The following CAST variants were observed in gnomAD, a reference collection of about 807,000 sequenced individuals.
CAST encodes the protein calpastatin, also known as MIR583 host.
A neutral mutation model predicts 119.6 loss-of-function variants in CAST; 76 were observed. That is an observed-to-expected ratio of 0.64 (90% confidence interval 0.53 to 0.77). The LOEUF (loss-of-function observed/expected upper bound fraction) is 0.77, where lower values mean the gene tolerates loss of function less well. Ranked by LOEUF, CAST falls within the 30% of genes least tolerant of loss-of-function variation. The pLI is 0.00. For missense variants in CAST, 953 were observed against 946.5 expected (o/e 1.01, Z -0.09); for synonymous variants, 319 against 331.6 (o/e 0.96, Z 0.41).
rs549974654 is a variant in CAST at position 96,683,782 on chromosome 5, A to G, written c.138+8181A>G. The stretch of plus-strand genomic sequence containing the variant: ...TCAGATAGGTTTTCATGAGCACTGC[A>G]TGAATTTAAGTTCAAAGCTACAATT... On this transcript the variant is annotated intron_variant, in intron 2 of 31. Coordinates refer to ENST00000675179, the MANE Select transcript of CAST (RefSeq NM_001750.7). Among the ~76,000 whole-genome samples the G allele has an allele frequency of 1.2e-3, 184 of 152,346 alleles. 1 individual carries two copies. Among genetic ancestry groups the G allele is most frequent in the African/African-American group, 4.2e-3 (173 of 41,582 alleles).
chr5:96,416,165 A>C, the CAST span: 1 of 1,355,146 alleles, frequency 7.4e-7, no homozygotes, highest in Non-Finnish European at 1.1e-6. Flanking sequence ...CAGAAGAACA[A>C]ACATTTGTTT....
intron 1 of CAST, among the ~76,000 whole-genome samples, chr5:96,587,270 C>A (rs1008610704): frequency 2.0e-5 from 3 of 152,172 alleles, no homozygotes; most frequent in African/African-American, 7.2e-5. Flanking sequence ...CCCTCTAGCT[C>A]AGAAGGTCTA....
At chr5:96,278,391 T>G in the CAST span, among the ~76,000 whole-genome samples, 1 of 152,168 alleles carries the variant, frequency 6.6e-6, no homozygotes, top group East Asian at 1.9e-4. Context: ...GAGAGAACAC[T>G]CCGGAAACCA....
chr5:96,034,130 TA>T, the CAST span, among the ~76,000 whole-genome samples: 1 of 151,778 alleles, frequency 6.6e-6, no homozygotes, highest in African/African-American at 2.4e-5. Context: ...TTTTAAAAAA[TA>T]AGTGGGCAAA....
the CAST span, among the ~76,000 whole-genome samples, chr5:96,520,105 G>A: frequency 0.21 from 32,209 of 152,036 alleles, 3,972 homozygotes; most frequent in Admixed American, 0.31. Context: ...ATACGTCCAG[G>A]TTTTGTACTT....
upstream of CAST, among the ~76,000 whole-genome samples, chr5:96,659,173 G>A (rs1051406948): frequency 2.6e-5 from 4 of 152,186 alleles, no homozygotes; most frequent in Admixed American, 6.5e-5. Flanking sequence ...CACATATCAC[G>A]TAACAGATAT....
intron 1 of CAST, among the ~76,000 whole-genome samples, chr5:96,622,480 C>T (rs1009789078): frequency 6.6e-6 from 1 of 152,168 alleles, no homozygotes; most frequent in Non-Finnish European, 1.5e-5. Context: ...AGCAAATGGT[C>T]AGCTGTCACT....
At chr5:96,141,882 A>G in the CAST span, among the ~76,000 whole-genome samples, 2 of 152,208 alleles carry the variant, frequency 1.3e-5, no homozygotes, top group Admixed American at 1.3e-4. Flanking sequence ...GAGGGTGTGT[A>G]GCCGAGTATT....
the CAST span, among the ~76,000 whole-genome samples, chr5:96,300,602 A>G: frequency 2.6e-5 from 4 of 151,838 alleles, no homozygotes; most frequent in Non-Finnish European, 4.4e-5. Flanking sequence ...GTCCATAGAC[A>G]TGTTAGAATT....
At chr5:96,730,936 A>G (rs553439657) in intron 9 of CAST, 76 bp downstream of exon 9, 13 of 1,129,174 alleles carry the variant, frequency 1.2e-5, no homozygotes, top group Admixed American at 3.5e-5. Flanking sequence ...GTATGCTCAA[A>G]TAACCTATCA....
chr5:96,023,382 A>G, the CAST span, among the ~76,000 whole-genome samples: 1 of 152,202 alleles, frequency 6.6e-6, no homozygotes, highest in African/African-American at 2.4e-5. Context: ...CACAACCTAA[A>G]TAAAGTTTGA....
At chr5:96,022,393 C>T in the CAST span, among the ~76,000 whole-genome samples, 4,666 of 152,106 alleles carry the variant, frequency 0.031, 120 homozygotes, top group Admixed American at 0.075. Flanking sequence ...GTGCAAATAC[C>T]GTACAACAAA....
chr5:96,114,049 C>G, the CAST span, among the ~76,000 whole-genome samples: 1 of 152,076 alleles, frequency 6.6e-6, no homozygotes, highest in Non-Finnish European at 1.5e-5. Context: ...TTTAAAGTAC[C>G]ATTTTTCAAC....
In CAST at chr5:96,616,763, C is replaced by T. The variant is rs1445393879; in HGVS notation, c.61-58776C>T. On this transcript the variant is annotated intron_variant, in intron 1 of 11. Transcript: ENST00000505143. ...CTCTCTCTATATATATACACACACACACACACACACACACACACACACACA... is the reference window on the plus strand; with the variant it reads ...CTCTCTCTATATATATACACACACATACACACACACACACACACACACACA... Among the ~76,000 whole-genome samples, 799 of 144,242 alleles carry T rather than the reference C, an allele frequency of 5.5e-3. 8 individuals are homozygous for T. The highest frequency in any genetic ancestry group is 0.02 in the African/African-American group (716 of 35,618). The allele number at this position is 144,242 out of a possible 152,430, so 94.6% of individuals were successfully genotyped here. A position where few individuals can be genotyped will look rare whatever the true frequency, so the allele number is the denominator to read the frequency against.
At chr5:96,101,910 T>C in the CAST span, among the ~76,000 whole-genome samples, 1 of 152,154 alleles carries the variant, frequency 6.6e-6, no homozygotes, top group African/African-American at 2.4e-5. Flanking sequence ...TGTGAGCGAA[T>C]GAGTGCAGGA....
At chr5:96,379,921 G>T in the CAST span, among the ~76,000 whole-genome samples, 1 of 152,142 alleles carries the variant, frequency 6.6e-6, no homozygotes, top group African/African-American at 2.4e-5. Flanking sequence ...TTGGATAGAG[G>T]GGGTATACAG....
At chr5:96,104,039 G>T in the CAST span, among the ~76,000 whole-genome samples, 2 of 152,192 alleles carry the variant, frequency 1.3e-5, no homozygotes, top group South Asian at 4.1e-4. Flanking sequence ...CTTCTTTTGA[G>T]AAGTGTCTGT....
At chr5:96,293,220 G>A in the CAST span, among the ~76,000 whole-genome samples, 2 of 152,174 alleles carry the variant, frequency 1.3e-5, no homozygotes. Context: ...CTTAGTTCTT[G>A]AGCCTTTAGA....
At chr5:96,306,737 G>C in the CAST span, among the ~76,000 whole-genome samples, 1 of 152,124 alleles carries the variant, frequency 6.6e-6, no homozygotes, top group African/African-American at 2.4e-5. Flanking sequence ...AGGTTGTTCA[G>C]TTTTTATGTA....
Sources: gnomAD v4.1 joint callset for allele counts (sites outside exome capture counted in the v4.1 genomes callset) on GRCh38, gnomAD v4.1.1 for gene constraint, MANE v1.5 for transcripts, NCBI Gene and HGNC (gene_info 2026-07-23, HGNC 2026-07-21) for gene names.